The following CSTPP1 variants were observed in gnomAD, a reference collection of about 807,000 sequenced individuals.
The protein encoded by CSTPP1 is UPF0705 protein C11orf49.
the CSTPP1 span, among the ~76,000 whole-genome samples, chr11:47,047,103 G>A: frequency 6.6e-6 from 1 of 152,180 alleles, no homozygotes; most frequent in South Asian, 2.1e-4. Context: ...GTTTCACCAT[G>A]TTGGCCAGGC....
At chr11:47,157,586 G>T in the CSTPP1 span, among the ~76,000 whole-genome samples, 2 of 152,016 alleles carry the variant, frequency 1.3e-5, no homozygotes, top group Admixed American at 6.5e-5. Flanking sequence ...AACAGGTTTG[G>T]TTTCCCGTAG....
At chr11:46,985,391 T>C in the CSTPP1 span, among the ~76,000 whole-genome samples, 5 of 152,212 alleles carry the variant, frequency 3.3e-5, no homozygotes, top group Non-Finnish European at 2.9e-5. Context: ...CATATTTTCC[T>C]GAGGAATGAA....
At chr11:47,098,507 CTTTTTTTTT>C in the CSTPP1 span, among the ~76,000 whole-genome samples, 1 of 137,446 alleles carries the variant, frequency 7.3e-6, no homozygotes, top group Non-Finnish European at 1.6e-5. Context: ...TTTCTTTTTT[CTTTTTTTTT>C]TTTTTTGGAG....
the CSTPP1 span, among the ~76,000 whole-genome samples, chr11:46,958,014 C>A: frequency 6.6e-6 from 1 of 152,184 alleles, no homozygotes; most frequent in Non-Finnish European, 1.5e-5. Flanking sequence ...TCTTTGCCAC[C>A]TCTGAGACAG....
the CSTPP1 span, among the ~76,000 whole-genome samples, chr11:47,107,212 T>C: frequency 1.3e-5 from 2 of 152,334 alleles, no homozygotes; most frequent in African/African-American, 4.8e-5. Flanking sequence ...GGCTGTTTAT[T>C]CTTCAGCATG....
At chr11:46,978,939 T>C in the CSTPP1 span, among the ~76,000 whole-genome samples, 1 of 152,230 alleles carries the variant, frequency 6.6e-6, no homozygotes. Flanking sequence ...GAATGCCAAC[T>C]AATTTTTATG....
At chr11:47,013,034 AATAAT>A in the CSTPP1 span, among the ~76,000 whole-genome samples, 1 of 147,318 alleles carries the variant, frequency 6.8e-6, no homozygotes. Context: ...AACTATATAT[AATAAT>A]ATGTTATTAT....
chr11:47,130,709 C>T, the CSTPP1 span: 1 of 152,366 alleles, frequency 6.6e-6, no homozygotes, highest in East Asian at 1.9e-4. Context: ...AGTATTTACT[C>T]AGCTGTGGCC....
chr11:47,057,214 A>C, the CSTPP1 span, among the ~76,000 whole-genome samples: 2 of 152,186 alleles, frequency 1.3e-5, no homozygotes, highest in Admixed American at 1.3e-4. Flanking sequence ...CTTTAAAATT[A>C]CACTTCTCAC....
At chr11:46,982,315 A>T in the CSTPP1 span, among the ~76,000 whole-genome samples, 1 of 152,082 alleles carries the variant, frequency 6.6e-6, no homozygotes, top group Non-Finnish European at 1.5e-5. Context: ...AGTTGAGTAT[A>T]TGTATATACT....
chr11:47,018,012 A>G, the CSTPP1 span, among the ~76,000 whole-genome samples: 8 of 152,182 alleles, frequency 5.3e-5, no homozygotes, highest in Non-Finnish European at 1.2e-4. Context: ...TTCACTCTGC[A>G]TAATGCTTTG....
At chr11:47,035,380 A>G in the CSTPP1 span, among the ~76,000 whole-genome samples, 1 of 152,232 alleles carries the variant, frequency 6.6e-6, no homozygotes, top group African/African-American at 2.4e-5. Flanking sequence ...ACACGATGAA[A>G]AATACATGAG....
the CSTPP1 span, among the ~76,000 whole-genome samples, chr11:46,954,027 T>C: frequency 6.6e-6 from 1 of 152,126 alleles, no homozygotes; most frequent in Non-Finnish European, 1.5e-5. Context: ...AGAAGAAAGA[T>C]AGCTCGACTA....
chr11:46,990,038 A>G, the CSTPP1 span, among the ~76,000 whole-genome samples: 1 of 152,154 alleles, frequency 6.6e-6, no homozygotes, highest in African/African-American at 2.4e-5. Flanking sequence ...TTCTTTATCC[A>G]GTTCACCTTG....
the CSTPP1 span, among the ~76,000 whole-genome samples, chr11:47,022,358 C>CTTT: frequency 6.1e-5 from 3 of 48,806 alleles, no homozygotes; most frequent in Non-Finnish European, 1.1e-4. Flanking sequence ...TTCATATGTC[C>CTTT]TTTTTTTTTT....
chr11:47,000,144 C>CT, the CSTPP1 span, among the ~76,000 whole-genome samples: 2 of 152,152 alleles, frequency 1.3e-5, no homozygotes, highest in African/African-American at 4.8e-5. Flanking sequence ...AGGTGCTACT[C>CT]TAAGAATAGG....
the CSTPP1 span, chr11:47,041,678 C>A: frequency 2.1e-6 from 1 of 473,774 alleles, no homozygotes. Context: ...TATGCTGCAC[C>A]CTGGCTGGGG....
At chr11:47,098,069 G>A in the CSTPP1 span, among the ~76,000 whole-genome samples, 4 of 83,720 alleles carry the variant, frequency 4.8e-5, no homozygotes, top group African/African-American at 9.6e-5. Context: ...GATTAAGGGC[G>A]GTGCAAGATG....
chr11:47,072,870 G>T, the CSTPP1 span, among the ~76,000 whole-genome samples: 3 of 152,126 alleles, frequency 2.0e-5, 1 homozygote, highest in Non-Finnish European at 4.4e-5. Context: ...AGAAAGCAAT[G>T]ATGAGCAAAT....
Sources: gnomAD v4.1 joint callset for allele counts (sites outside exome capture counted in the v4.1 genomes callset) on GRCh38, gnomAD v4.1.1 for gene constraint, MANE v1.5 for transcripts, NCBI Gene and HGNC (gene_info 2026-07-23, HGNC 2026-07-21) for gene names.